The following C16orf89 variants were observed in gnomAD, a reference collection of about 807,000 sequenced individuals.
C16orf89 encodes UPF0764 protein C16orf89.
Under a neutral mutation model 41.5 loss-of-function variants are expected in C16orf89, and 57 were observed. That is an observed-to-expected ratio of 1.38 (90% CI 1.11 to 1.71). The LOEUF (loss-of-function observed/expected upper bound fraction) is 1.71. Among genes scored for constraint, C16orf89 ranks in the 40% most tolerant of loss-of-function variants. The pLI, the probability that C16orf89 is intolerant of heterozygous loss-of-function variation, is 0.00. For synonymous variants in C16orf89, 223 were observed against 190.6 expected, an observed-to-expected ratio of 1.17 and a Z score of -1.40; for missense variants, 575 against 445.9, an observed-to-expected ratio of 1.29 and a Z score of -2.61.
intron 4 of C16orf89, 117 bp from the exon 5 acceptor site, chr16:5,056,305 C>A (rs1172926665): frequency 3.0e-6 from 3 of 994,380 alleles, no homozygotes; most frequent in Non-Finnish European, 4.3e-6. Flanking sequence ...GTGTTTAGGG[C>A]TGTGTTTAGG....
At chr16:5,059,316 A>G (rs985421134) in intron 3 of C16orf89, among the ~76,000 whole-genome samples, 8 of 151,712 alleles carry the variant, frequency 5.3e-5, no homozygotes, top group Admixed American at 5.3e-4. Flanking sequence ...AAATACAAAA[A>G]TTAGCCGGGC....
chr16:5,044,909 C>T (rs548073846), intron 7 of C16orf89: 370 of 1,244,918 alleles, frequency 3.0e-4, no homozygotes, highest in Middle Eastern at 1.7e-3. Context: ...GTGGGTGCTT[C>T]GGTGCTCCCT....
Position 5,062,479 on chromosome 16 carries a change from C to G in C16orf89, c.304G>C (p.Ala102Pro). 3 of 1,614,078 alleles carry G rather than the reference C, an allele frequency of 1.9e-6. No individual in the cohort carries two copies. The highest frequency in any genetic ancestry group is 2.5e-6 in the Non-Finnish European group (3 of 1,179,944). ...AGGTAGTGGAGGGATCTCTGGATGG[C>G]AGCCTCCAGCTTCTCCCCCAGCATC... ...VGMLGEKLEA[A>P]IQRSLHYLKL... Residue 102 changes from alanine to proline, a missense_variant, in exon 2 of 8, where the codon GCC (alanine) becomes CCC (proline). Transcript: ENST00000472572.
intron 7 of C16orf89, 96 bp downstream of exon 7, chr16:5,047,782 G>T (rs1180984194): frequency 5.3e-6 from 4 of 759,306 alleles, no homozygotes; most frequent in Non-Finnish European, 4.6e-6. Context: ...GTGATGCCAA[G>T]TGCTTTTCTT....
intron 1 of C16orf89, among the ~76,000 whole-genome samples, chr16:5,063,865 G>A (rs1175711433): frequency 6.6e-6 from 1 of 152,168 alleles, no homozygotes; most frequent in African/African-American, 2.4e-5. Flanking sequence ...GGTGGCTCAC[G>A]CCTGTAATCC....
intron 5 of C16orf89, 144 bp downstream of exon 5, chr16:5,055,909 G>C: frequency 8.0e-7 from 1 of 1,250,660 alleles, no homozygotes; most frequent in African/African-American, 1.5e-5. Context: ...TGAGCACTCT[G>C]TATTTTTACT....
rs554047341 is a variant in C16orf89, at chr16:5,044,291, G to A, written c.*57C>T. On this transcript the variant is annotated 3_prime_UTR_variant, in exon 8 of 8. Transcript: ENST00000472572. ...GATCCGTGCCCTCCAGGATCTAAGG[G>A]ATGAGGACTAAAGGGGTCTGTTCCT... 3 of 1,517,482 alleles carry A rather than the reference G, an allele frequency of 2.0e-6. No individual in the cohort carries two copies. The highest frequency in any genetic ancestry group is 1.8e-6 in the Non-Finnish European group (2 of 1,134,770). The allele number at this position is 1,517,482 out of a possible 1,614,324, so 94.0% of individuals were successfully genotyped here.
chr16:5,051,917 T>A (rs1956403552), intron 6 of C16orf89, among the ~76,000 whole-genome samples: 1 of 151,882 alleles, frequency 6.6e-6, no homozygotes, highest in Non-Finnish European at 1.5e-5. Context: ...TTGGCCAACA[T>A]GTAGAAACCC....
At chr16:5,048,669 A>G (rs1956345503) in intron 6 of C16orf89, among the ~76,000 whole-genome samples, 1 of 152,244 alleles carries the variant, frequency 6.6e-6, no homozygotes. Context: ...AATAATAACT[A>G]TCATGAAAAC....
chr16:5,060,424 G>A lies in C16orf89; in HGVS notation c.371C>T (p.Thr124Ile), dbSNP rs1956593435. The A allele has an allele frequency of 6.2e-7, 1 of 1,612,880 alleles. No individual in the cohort carries two copies. The highest frequency in any genetic ancestry group is 8.5e-7 in the Non-Finnish European group (1 of 1,179,476). ...GAGCTTCCAAAACCCGGGCTGGAGGGTCAGCTGGAACTCTGGCAGAGAGGA... is the reference window on the plus strand; with the variant it reads ...GAGCTTCCAAAACCCGGGCTGGAGGATCAGCTGGAACTCTGGCAGAGAGGA... ...DPKYLREFQL[T>I]LQPGFWKLPH... The change falls in exon 3 of 8, where the codon ACC becomes ATC. Residue 124 changes from threonine to isoleucine, a missense_variant. Transcript: ENST00000472572.
intron 4 of C16orf89, among the ~76,000 whole-genome samples, chr16:5,057,197 A>G (rs1596697281): frequency 6.6e-6 from 1 of 150,440 alleles, no homozygotes; most frequent in Admixed American, 6.7e-5. Flanking sequence ...AGATCGTGCC[A>G]CTGCACTCCA....
chr16:5,047,977 C>A lies in C16orf89; in HGVS notation c.869-13G>T. On this transcript the variant is annotated splice_polypyrimidine_tract_variant and intron_variant, in intron 6 of 7. Transcript: ENST00000472572. The stretch of plus-strand genomic sequence containing the variant: ...TCATCTTCAGCATCTGGGAGAAGAG[C>A]AAAAGTTGAACTTCTCAAGAGAGAT... 7.0e-7 allele frequency: 1 copy of A among 1,418,544 alleles called. No individual in the cohort carries two copies. The highest frequency in any genetic ancestry group is 9.9e-7 in the Non-Finnish European group (1 of 1,005,838). 87.9% of individuals were successfully genotyped at this position (1,418,544 alleles called of 1,614,324 possible).
At chr16:5,043,901 TC>T, downstream of C16orf89, 1 of 157,054 alleles carries the variant, frequency 6.4e-6, no homozygotes, top group Non-Finnish European at 1.4e-5. Flanking sequence ...ACACCTGTTG[TC>T]CCAGCTACTC....
chr16:5,065,615 A>G, intron 1 of C16orf89, 86 bp downstream of exon 1: 1 of 1,413,522 alleles, frequency 7.1e-7, no homozygotes. Flanking sequence ...GGAGTCTGCC[A>G]GGTCCCAGGC....
In C16orf89 at chr16:5,044,465, G is replaced by A. The variant is rs1315220100; in HGVS notation, c.969C>T (p.Ser323=). 1.2e-6 allele frequency: 2 copies of A among 1,612,734 alleles called. No individual in the cohort carries two copies. Among genetic ancestry groups the A allele is most frequent in the East Asian group, 4.5e-5 (2 of 44,856 alleles). Residue 323 remains serine, a synonymous_variant, in exon 8 of 8, where the codon TCC becomes TCT. Transcript: ENST00000472572. ...CTGCCACTGCTGTGGCTGTGTTGTG[G>A]GAGGAGCAGCCATCTAGGGGAGAGA... The part of the protein sequence containing the change: ...REKQFPDGCS[S]HNTATAVAAL...
At chr16:5,052,155 G>A (rs1451018997) in intron 6 of C16orf89, among the ~76,000 whole-genome samples, 4 of 150,222 alleles carry the variant, frequency 2.7e-5, no homozygotes, top group Admixed American at 6.6e-5. Context: ...CAAATGAGCT[G>A]CATAGACATC....
intron 1 of C16orf89, 82 bp from the exon 2 acceptor site, chr16:5,062,656 C>A: frequency 7.1e-7 from 1 of 1,413,980 alleles, no homozygotes; most frequent in South Asian, 1.4e-5. Flanking sequence ...AAAAATGCCC[C>A]AAAGTCTAAT....
Position 5,047,937 on chromosome 16 carries a change from G to A in C16orf89, c.896C>T (p.Ala299Val), listed in dbSNP as rs369255385. Reference sequence around the variant, plus strand: ...CGAAAAATGCTGCTGATATTGAATAGCTTTAGATAATTCTTCATCTTCAGC... The same window carrying A: ...CGAAAAATGCTGCTGATATTGAATAACTTTAGATAATTCTTCATCTTCAGC... Reference protein sequence around the residue: ...PDAEDEELSKAIQYQQHFSRR... With the variant: ...PDAEDEELSKVIQYQQHFSRR... The change falls in exon 7 of 8, where the codon GCT becomes GTT. Residue 299 changes from alanine (A) to valine (V), a missense_variant. Transcript: ENST00000472572. The A allele has an allele frequency of 1.4e-5, 22 of 1,599,978 alleles. No individual in the cohort carries two copies. In the Admixed American group the frequency reaches 1.8e-4, roughly 13 times the overall value.
intron 7 of C16orf89, among the ~76,000 whole-genome samples, chr16:5,045,410 G>A (rs1274497889): frequency 6.6e-6 from 1 of 152,158 alleles, no homozygotes; most frequent in Non-Finnish European, 1.5e-5. Flanking sequence ...ACCCTTAGGT[G>A]TAGTTAGTTC....
Sources: gnomAD v4.1 joint callset for allele counts (sites outside exome capture counted in the v4.1 genomes callset) on GRCh38, gnomAD v4.1.1 for gene constraint, MANE v1.5 for transcripts, NCBI Gene and HGNC (gene_info 2026-07-23, HGNC 2026-07-21) for gene names.